The following CTNNA3 variants were observed in gnomAD, a reference collection of about 807,000 sequenced individuals.
The protein encoded by CTNNA3 is catenin alpha-3.
Under a neutral mutation model 95.7 loss-of-function variants are expected in CTNNA3, and 76 were observed. That is an observed-to-expected ratio of 0.79 (90% CI 0.66 to 0.96). CTNNA3 has a LOEUF of 0.96. Ranked by LOEUF, CTNNA3 falls within the 40% of genes least tolerant of loss-of-function variation. The probability of loss-of-function intolerance (pLI) is 0.00; values close to 1 mark genes in which losing one functional copy is unlikely to be tolerated. For missense variants in CTNNA3, 1,191 were observed against 1,089.8 expected (o/e 1.09, Z -1.31); for synonymous variants, 431 against 374.4 (o/e 1.15, Z -1.74).
At chr10:66,335,906 T>A (rs1460697702) in intron 12 of CTNNA3, among the ~76,000 whole-genome samples, 2 of 152,220 alleles carry the variant, frequency 1.3e-5, no homozygotes, top group South Asian at 4.1e-4. Flanking sequence ...CCGCTTTGTT[T>A]ACCTACTCAA....
chr10:67,383,072 A>G (rs1844008608), intron 5 of CTNNA3, among the ~76,000 whole-genome samples: 1 of 152,184 alleles, frequency 6.6e-6, no homozygotes, highest in African/African-American at 2.4e-5. Flanking sequence ...AGTGTTTATC[A>G]AAGGCATGAC....
chr10:67,541,198 C>A (rs1259326105), intron 3 of CTNNA3, among the ~76,000 whole-genome samples: 1 of 151,716 alleles, frequency 6.6e-6, no homozygotes, highest in Non-Finnish European at 1.5e-5. Flanking sequence ...AGTCAAGGGG[C>A]AAATGAATTT....
intron 7 of CTNNA3, among the ~76,000 whole-genome samples, chr10:67,123,266 C>G (rs577090242): frequency 6.6e-6 from 1 of 152,088 alleles, no homozygotes; most frequent in African/African-American, 2.4e-5. Flanking sequence ...GACCAGGTCT[C>G]TGCATTTAAT....
intron 7 of CTNNA3, among the ~76,000 whole-genome samples, chr10:67,043,226 C>G (rs1472982368): frequency 6.6e-6 from 1 of 150,548 alleles, no homozygotes; most frequent in African/African-American, 2.4e-5. Context: ...GCCAAGAACA[C>G]CAGATATGGC....
intron 7 of CTNNA3, among the ~76,000 whole-genome samples, chr10:67,005,911 C>T (rs1851958552): frequency 2.0e-5 from 3 of 151,820 alleles, no homozygotes; most frequent in Admixed American, 1.3e-4. Flanking sequence ...GTCTCAAACT[C>T]CTGTTCTCAG....
intron 7 of CTNNA3, among the ~76,000 whole-genome samples, chr10:66,986,492 A>G (rs1850734528): frequency 7.7e-6 from 1 of 130,446 alleles, no homozygotes; most frequent in East Asian, 2.5e-4. Flanking sequence ...GCAAGACTCC[A>G]TCTTGCTAAA....
intron 1 of CTNNA3, among the ~76,000 whole-genome samples, chr10:67,658,620 CA>C (rs1840093842): frequency 6.6e-6 from 1 of 151,988 alleles, no homozygotes; most frequent in African/African-American, 2.4e-5. Flanking sequence ...TTAAAAAAAA[CA>C]AACAAACACA....
At chr10:66,390,605 A>G (rs965956287) in intron 11 of CTNNA3, among the ~76,000 whole-genome samples, 2 of 152,150 alleles carry the variant, frequency 1.3e-5, no homozygotes, top group Non-Finnish European at 1.5e-5. Context: ...AACACATTAC[A>G]TAGGCAACTA....
At chr10:67,324,457 A>C (rs1426545973) in intron 5 of CTNNA3, among the ~76,000 whole-genome samples, 1 of 152,158 alleles carries the variant, frequency 6.6e-6, no homozygotes, top group Non-Finnish European at 1.5e-5. Flanking sequence ...AGGAATGTTG[A>C]ATTTATCAAA....
At chr10:66,583,682 C>T (rs2931267) in intron 10 of CTNNA3, among the ~76,000 whole-genome samples, 101,909 of 151,066 alleles carry the variant, frequency 0.67, 35,717 homozygotes, top group Non-Finnish European at 0.78. Flanking sequence ...TTTTATTTAG[C>T]TCTGCTCTGA....
chr10:66,322,972 C>T (rs947555373), intron 12 of CTNNA3, among the ~76,000 whole-genome samples: 1 of 151,634 alleles, frequency 6.6e-6, no homozygotes, highest in Admixed American at 6.6e-5. Flanking sequence ...CCAAGAACTC[C>T]CATACTCCTG....
At chr10:66,039,067 G>A (rs1344122322) in intron 15 of CTNNA3, among the ~76,000 whole-genome samples, 2 of 152,128 alleles carry the variant, frequency 1.3e-5, no homozygotes, top group Non-Finnish European at 2.9e-5. Context: ...TAAAATCAAT[G>A]TACAAAAATC....
intron 7 of CTNNA3, among the ~76,000 whole-genome samples, chr10:67,122,527 A>G (rs1269775802): frequency 2.6e-5 from 4 of 152,088 alleles, no homozygotes; most frequent in African/African-American, 9.7e-5. Context: ...TCCATTTGCA[A>G]AGTCTATTTT....
At chr10:66,158,433 G>A (rs573451880) in intron 13 of CTNNA3, among the ~76,000 whole-genome samples, 1 of 152,076 alleles carries the variant, frequency 6.6e-6, no homozygotes, top group South Asian at 2.1e-4. Flanking sequence ...TTATGTTTTT[G>A]TTTGTTTTGT....
intron 5 of CTNNA3, among the ~76,000 whole-genome samples, chr10:67,244,336 A>G (rs1865828719): frequency 1.3e-5 from 2 of 152,244 alleles, no homozygotes; most frequent in Non-Finnish European, 2.9e-5. Flanking sequence ...ATTCCCCAAC[A>G]GAAACAAGAC....
At chr10:66,182,514 C>T (rs1488991741) in intron 13 of CTNNA3, among the ~76,000 whole-genome samples, 1 of 152,100 alleles carries the variant, frequency 6.6e-6, no homozygotes, top group African/African-American at 2.4e-5. Flanking sequence ...CTCGGCCTCC[C>T]AAAGTGCTGG....
chr10:67,661,055 C>T (rs569295879), intron 1 of CTNNA3, among the ~76,000 whole-genome samples: 2 of 152,072 alleles, frequency 1.3e-5, no homozygotes, highest in South Asian at 2.1e-4. Context: ...AACAAATACT[C>T]TTATACCTTG....
intron 13 of CTNNA3, among the ~76,000 whole-genome samples, chr10:66,242,238 G>T (rs2090142191): frequency 6.6e-6 from 1 of 152,058 alleles, no homozygotes; most frequent in Non-Finnish European, 1.5e-5. Context: ...AAATTACCCA[G>T]TTTGAGGTAT....
chr10:66,516,063 GGAAAAA>G (rs1052723634), intron 11 of CTNNA3, among the ~76,000 whole-genome samples: 24 of 123,918 alleles, frequency 1.9e-4, no homozygotes, highest in African/African-American at 6.7e-4. Context: ...TTAATTATCT[GGAAAAA>G]AAAAAAAAAA....
Sources: allele counts gnomAD v4.1 joint callset (sites outside exome capture counted in the v4.1 genomes callset), GRCh38; gene constraint gnomAD v4.1.1; transcripts MANE v1.5; gene names NCBI Gene and HGNC (gene_info 2026-07-23, HGNC 2026-07-21).